Variants in RPSA2 observed in about 807,000 individuals in gnomAD.
The protein encoded by RPSA2 is ribosomal protein SA 2, also known as small ribosomal subunit protein uS2B.
the RPSA2 span, among the ~76,000 whole-genome samples, chr19:23,870,851 G>A: frequency 6.6e-6 from 1 of 152,178 alleles, no homozygotes; most frequent in Non-Finnish European, 1.5e-5. Flanking sequence ...TCCACTGGAA[G>A]CTATATGATC....
At chr19:23,852,903 G>A in the RPSA2 span, among the ~76,000 whole-genome samples, 1 of 152,188 alleles carries the variant, frequency 6.6e-6, no homozygotes, top group Admixed American at 6.5e-5. Context: ...GGAACAGGAG[G>A]TGTCTGTTGA....
chr19:23,787,052 G>A, the RPSA2 span, among the ~76,000 whole-genome samples: 148,877 of 152,204 alleles, frequency 0.98, 72,905 homozygotes, highest in Middle Eastern at 1. Context: ...AGGTGATGTG[G>A]GTCTCATCTT....
chr19:23,813,641 A>G, the RPSA2 span, among the ~76,000 whole-genome samples: 1 of 149,750 alleles, frequency 6.7e-6, no homozygotes, highest in Non-Finnish European at 1.5e-5. Flanking sequence ...TGTATTTGAT[A>G]ATAATTTTAT....
the RPSA2 span, among the ~76,000 whole-genome samples, chr19:23,805,176 T>TC: frequency 9.4e-6 from 1 of 106,298 alleles, no homozygotes; most frequent in South Asian, 3.1e-4. Context: ...TTTTTTCTTT[T>TC]TTTTTAAGAT....
the RPSA2 span, among the ~76,000 whole-genome samples, chr19:23,866,741 C>G: frequency 6.6e-6 from 1 of 152,102 alleles, no homozygotes; most frequent in East Asian, 1.9e-4. Context: ...GATTCCCTCT[C>G]CCCAGGAACA....
chr19:23,766,198 G>A, the RPSA2 span, among the ~76,000 whole-genome samples: 1 of 125,148 alleles, frequency 8.0e-6, no homozygotes, highest in Non-Finnish European at 1.6e-5. Context: ...TCTTTCCCAG[G>A]CTAGAGTGCA....
the RPSA2 span, among the ~76,000 whole-genome samples, chr19:23,847,740 C>T: frequency 6.6e-6 from 1 of 152,090 alleles, no homozygotes; most frequent in African/African-American, 2.4e-5. Flanking sequence ...TGCAGGAGAC[C>T]AGGGCGTATC....
chr19:23,800,414 G>A, the RPSA2 span, among the ~76,000 whole-genome samples: 6 of 152,050 alleles, frequency 3.9e-5, no homozygotes, highest in Middle Eastern at 3.4e-3. Flanking sequence ...TAGAATTACC[G>A]GACATAATAT....
chr19:23,759,433 T>C, the RPSA2 span, among the ~76,000 whole-genome samples: 3 of 150,852 alleles, frequency 2.0e-5, no homozygotes. Flanking sequence ...AGAGTTCACC[T>C]GGCCACATGC....
the RPSA2 span, among the ~76,000 whole-genome samples, chr19:23,766,705 C>T: frequency 1.3e-5 from 2 of 151,534 alleles, no homozygotes; most frequent in Admixed American, 6.6e-5. Flanking sequence ...CCGCCCGCCT[C>T]GGCCTCCCAA....
the RPSA2 span, among the ~76,000 whole-genome samples, chr19:23,870,739 T>C: frequency 1.3e-5 from 2 of 152,112 alleles, no homozygotes; most frequent in Non-Finnish European, 2.9e-5. Context: ...AATCAGAAAA[T>C]AAAGCTGCCC....
the RPSA2 span, among the ~76,000 whole-genome samples, chr19:23,793,205 GCTTTCTTTT>G: frequency 7.4e-5 from 11 of 148,318 alleles, no homozygotes; most frequent in Admixed American, 6.7e-5. Flanking sequence ...GAAAGAGGTG[GCTTTCTTTT>G]TTTTTTTTTT....
chr19:23,824,951 T>G, the RPSA2 span, among the ~76,000 whole-genome samples: 1 of 152,102 alleles, frequency 6.6e-6, no homozygotes, highest in South Asian at 2.1e-4. Context: ...GGTTATCTAA[T>G]AAGTTGTTTG....
At chr19:23,834,502 T>C in the RPSA2 span, among the ~76,000 whole-genome samples, 1 of 152,054 alleles carries the variant, frequency 6.6e-6, no homozygotes, top group Non-Finnish European at 1.5e-5. Flanking sequence ...TGTGGTTAAC[T>C]TATAATATTT....
At chr19:23,825,836 G>C in the RPSA2 span, among the ~76,000 whole-genome samples, 1 of 151,966 alleles carries the variant, frequency 6.6e-6, no homozygotes, top group Non-Finnish European at 1.5e-5. Flanking sequence ...TGATCTGCCC[G>C]CCTCAGCTTC....
chr19:23,779,887 C>T, the RPSA2 span, among the ~76,000 whole-genome samples: 1 of 152,150 alleles, frequency 6.6e-6, no homozygotes, highest in East Asian at 1.9e-4. Context: ...TGTAACACGT[C>T]ACTGGTTGAG....
chr19:23,812,358 A>G, the RPSA2 span, among the ~76,000 whole-genome samples: 2 of 130,434 alleles, frequency 1.5e-5, no homozygotes, highest in African/African-American at 2.8e-5. Flanking sequence ...TATCTTGTAT[A>G]TATTCTTTCT....
chr19:23,870,377 T>G, the RPSA2 span, among the ~76,000 whole-genome samples: 1 of 125,008 alleles, frequency 8.0e-6, no homozygotes. Flanking sequence ...GTACAAAGCT[T>G]ACAGTTGCAA....
chr19:23,841,987 T>C, the RPSA2 span, among the ~76,000 whole-genome samples: 2 of 152,234 alleles, frequency 1.3e-5, no homozygotes, highest in African/African-American at 2.4e-5. Flanking sequence ...GTCATTTTTG[T>C]TTACTGGTCA....
Sources: gnomAD v4.1 joint callset for allele counts (sites outside exome capture counted in the v4.1 genomes callset) on GRCh38, gnomAD v4.1.1 for gene constraint, MANE v1.5 for transcripts, NCBI Gene and HGNC (gene_info 2026-07-23, HGNC 2026-07-21) for gene names.